ASCC2: variants seen among roughly 807,000 people sequenced by gnomAD.
The protein encoded by ASCC2 is activating signal cointegrator 1 complex subunit 2.
Under a neutral mutation model 93.5 loss-of-function variants are expected in ASCC2, and 42 were observed. That is an observed-to-expected ratio of 0.45 (90% CI 0.35 to 0.58). The LOEUF (loss-of-function observed/expected upper bound fraction) is 0.58. ASCC2 is among the 20% of genes least tolerant of loss of function. ASCC2 has a pLI of 0.00. For synonymous variants in ASCC2, 364 were observed against 384.2 expected (o/e 0.95, Z 0.62); for missense variants, 859 against 977.6 (o/e 0.88, Z 1.62).
intron 12 of ASCC2, 86 bp from the exon 13 acceptor site, chr22:29,804,916 A>C: frequency 2.8e-6 from 4 of 1,425,912 alleles, no homozygotes; most frequent in Non-Finnish European, 3.9e-6. Context: ...ATCTGACCAC[A>C]TGGTTCCTGC....
In ASCC2 at chr22:29,825,551, AAAC is replaced by A. The variant is rs950806644; in HGVS notation, c.240+68_240+70del. ...AAAAAAGCACCTCCTAGGGGAAGAA[AAAC>A]AACAACAGCAACCAACCAATGGCAT... On this transcript the variant is annotated intron_variant, in intron 3 of 19. Transcript: ENST00000307790. The surrounding 1 kb of genome is among the most constrained non-coding windows in gnomAD (Gnocchi z 4.9). The A allele has an allele frequency of 1.2e-5, 19 of 1,606,816 alleles. No individual in the cohort carries two copies. Among genetic ancestry groups the A allele is most frequent in the African/African-American group, 8.0e-5 (6 of 74,776 alleles).
Position 29,816,013 on chromosome 22 carries a change from A to T in ASCC2, c.602T>A (p.Ile201Asn). 6.3e-7 allele frequency: 1 copy of T among 1,592,818 alleles called. No individual in the cohort carries two copies. The highest frequency in any genetic ancestry group is 8.6e-7 in the Non-Finnish European group (1 of 1,168,644). ...AGGGCCAAGAGCTGGTACCTGAAGG[A>T]TGGTAGGCAGGGTTTCATCCAGGTC... ...YSDLDETLPTILQVFSNILQH... is the reference protein window; with the variant it reads ...YSDLDETLPTNLQVFSNILQH... The change falls in exon 6 of 20, where the codon ATC becomes AAC. Residue 201 changes from isoleucine (I) to asparagine (N), a missense_variant. By Grantham distance (149) the Ile-to-Asn change is moderately radical. Coordinates refer to ENST00000307790, the MANE Select transcript of ASCC2 (RefSeq NM_032204.5).
Position 29,825,192 on chromosome 22 carries a change from G to A in ASCC2, c.306C>T (p.Phe102=), listed in dbSNP as rs200517344. ...CAGGGGCTGAGGCCACCCCCTCGTCGAATTTGCGGGGGACATAGCGCAGGT... is the reference window on the plus strand; with the variant it reads ...CAGGGGCTGAGGCCACCCCCTCGTCAAATTTGCGGGGGACATAGCGCAGGT... ...DSYLRYVPRK[F]DEGVASAPEV... Residue 102 remains phenylalanine (F), a synonymous_variant, in exon 4 of 20, where the codon TTC becomes TTT. Transcript: ENST00000307790. The surrounding 1 kb of genome is among the most constrained non-coding windows in gnomAD (Gnocchi z 4.9). 4.6e-5 allele frequency: 72 copies of A among 1,562,532 alleles called. No individual in the cohort carries two copies. The South Asian group carries it at 5.7e-4, about 12-fold the overall frequency.
chr22:29,804,252 T>A (rs1377544469), intron 13 of ASCC2, among the ~76,000 whole-genome samples: 2 of 152,184 alleles, frequency 1.3e-5, no homozygotes, highest in Non-Finnish European at 2.9e-5. Context: ...ACGGAGGGGC[T>A]TCCAAGAAGG....
intron 2 of ASCC2, among the ~76,000 whole-genome samples, chr22:29,827,169 G>A (rs1282865465): frequency 7.2e-6 from 1 of 139,428 alleles, no homozygotes; most frequent in East Asian, 2.1e-4. Context: ...CTTTTTTTTT[G>A]TTTTTTATTT....
Position 29,822,358 on chromosome 22 carries a change from G to A in ASCC2, c.518C>T (p.Ser173Leu). The change falls in exon 5 of 20, where the codon TCA becomes TTA. Residue 173 changes from serine to leucine, a missense_variant. Physicochemically the swap from Ser to Leu is moderately radical, Grantham distance 145 (BLOSUM62 -2). Coordinates refer to ENST00000307790, the MANE Select transcript of ASCC2 (RefSeq NM_032204.5). ...ACCTATCATCTTCTGGAGCAGTGGT[G>A]AGTTGCCTTTTCCAAAGAGCACGCA... ...DLCVLFGKGN[S>L]PLLQKMIGNI... 6.2e-7 allele frequency: 1 copy of A among 1,614,104 alleles called. No homozygotes were observed. The highest frequency in any genetic ancestry group is 8.5e-7 in the Non-Finnish European group (1 of 1,179,988).
rs182647472 is a variant in ASCC2, at chr22:29,825,940, T to C, written c.82-160A>G. 1.8e-3 allele frequency: 1,324 copies of C among 751,064 alleles called. 8 individuals are homozygous for C. Among genetic ancestry groups the C allele is most frequent in the South Asian group, 6.7e-3 (348 of 52,306 alleles). The allele number at this position is 751,064 out of a possible 1,614,324, so 46.5% of individuals were successfully genotyped here. A position where few individuals can be genotyped will look rare whatever the true frequency, so the allele number is the denominator to read the frequency against. Reference sequence around the variant, plus strand: ...AGTGTATCTAACAAAGAGGGCATGGTTGCATTCAGCGAACACTAGGCGGTA... The same window carrying C: ...AGTGTATCTAACAAAGAGGGCATGGCTGCATTCAGCGAACACTAGGCGGTA... On this transcript the variant is annotated intron_variant, in intron 2 of 19. Coordinates refer to ENST00000307790, the MANE Select transcript of ASCC2 (RefSeq NM_032204.5). This position sits in a 1 kb window ranked among gnomAD's most constrained non-coding sequence, Gnocchi z 4.9.
In ASCC2 at chr22:29,838,226, C is replaced by CCGCCGT. The variant is rs764876330; in HGVS notation, c.-67_-66insACGGCG. On this transcript the variant is annotated 5_prime_UTR_variant, in exon 1 of 20. Transcript: ENST00000307790. ...TGTGCCGCCGCCGCCGCCGCCGCCG[C>CCGCCGT]CGACCACGGTGACAGCTCCCTGAGC... 8.6e-6 allele frequency: 4 copies of CCGCCGT among 465,682 alleles called. No individual in the cohort carries two copies. Among genetic ancestry groups the CCGCCGT allele is most frequent in the African/African-American group, 8.1e-5 (4 of 49,400 alleles). 28.8% of individuals were successfully genotyped at this position (465,682 alleles called of 1,614,324 possible).
chr22:29,833,772 C>A (rs919159978), intron 1 of ASCC2, among the ~76,000 whole-genome samples: 2 of 151,922 alleles, frequency 1.3e-5, no homozygotes, highest in Non-Finnish European at 2.9e-5. Flanking sequence ...TGAGCCTTCA[C>A]AGACAAGCAG....
At position 29,804,805 on chromosome 22, in the gene ASCC2, G is replaced by A; in HGVS notation, c.1186C>T (p.Leu396Phe). Residue 396 changes from leucine to phenylalanine, a missense_variant, in exon 13 of 20, where the codon CTC (leucine) becomes TTC (phenylalanine). Leu to Phe is a conservative substitution (Grantham distance 22, BLOSUM62 0). Transcript: ENST00000307790. ...TCCCATGCACTCTCGACTGCCTGGA[G>A]GATGTAGGCAGTCCGCGTCTCGTCC... ...VLDETRTAYI[L>F]QAVESAWEGV... 6.2e-7 allele frequency: 1 copy of A among 1,614,126 alleles called. No homozygotes were observed. The highest frequency in any genetic ancestry group is 1.1e-5 in the South Asian group (1 of 91,084).
At chr22:29,834,169 C>T in intron 1 of ASCC2, 1 of 171,576 alleles carries the variant, frequency 5.8e-6, no homozygotes, top group Non-Finnish European at 1.2e-5. Flanking sequence ...CAAGGTCTCA[C>T]AGTTAGTGGG....
chr22:29,825,400 G>A lies in ASCC2; in HGVS notation c.241-143C>T. The A allele has an allele frequency of 8.3e-7, 1 of 1,204,836 alleles. No individual in the cohort carries two copies. Among genetic ancestry groups the A allele is most frequent in the South Asian group, 1.5e-5 (1 of 65,358 alleles). The allele number at this position is 1,204,836 out of a possible 1,614,324, so 74.6% of individuals were successfully genotyped here. On this transcript the variant is annotated intron_variant, in intron 3 of 19. Coordinates refer to ENST00000307790, the MANE Select transcript of ASCC2 (RefSeq NM_032204.5). The surrounding 1 kb of genome is among the most constrained non-coding windows in gnomAD (Gnocchi z 4.9). ...CAAGGGACCAAGGAGGTATGAATGA[G>A]CCAAGGGCTAAACACAAGATTCTAA...
intron 4 of ASCC2, among the ~76,000 whole-genome samples, chr22:29,823,029 A>C (rs2148182578): frequency 7.1e-6 from 1 of 141,046 alleles, no homozygotes; most frequent in South Asian, 2.3e-4. Context: ...CTCCCCTTTA[A>C]AAAAAATTTT....
chr22:29,819,695 A>G (rs2061328124), intron 5 of ASCC2, among the ~76,000 whole-genome samples: 1 of 151,978 alleles, frequency 6.6e-6, no homozygotes, highest in Non-Finnish European at 1.5e-5. Context: ...AGCCCTTCCC[A>G]ATCTGGCTCC....
At chr22:29,800,899 C>A in intron 15 of ASCC2, 92 bp downstream of exon 15, 1 of 1,463,336 alleles carries the variant, frequency 6.8e-7, no homozygotes, top group South Asian at 1.4e-5. Context: ...ACTCCATGGC[C>A]AATTCTGCGA....
At chr22:29,810,400 G>C (rs1360503541) in intron 8 of ASCC2, 1 of 152,216 alleles carries the variant, frequency 6.6e-6, no homozygotes, top group East Asian at 1.9e-4. Context: ...ACACATGCCT[G>C]TCAGTTGGCT....
Position 29,806,823 on chromosome 22 carries a change from G to T in ASCC2, c.990C>A (p.Ile330=). The change falls in exon 10 of 20, where the codon ATC becomes ATA. Residue 330 remains isoleucine, a synonymous_variant. Coordinates refer to ENST00000307790, the MANE Select transcript of ASCC2 (RefSeq NM_032204.5). ...TGCTTTCTAGGATGGGAAGGAGGCA[G>T]ATCTGGTTCAGGATGATGTGGAAAA... ...MEIFHIILNQ[I]CLLPILESSC... 1 of 1,613,674 alleles carries T rather than the reference G, an allele frequency of 6.2e-7. No individual in the cohort carries two copies.
chr22:29,838,092 G>A (rs2064100781), intron 1 of ASCC2, 86 bp downstream of exon 1: 1 of 449,862 alleles, frequency 2.2e-6, no homozygotes, highest in African/African-American at 2.0e-5. Context: ...GCCAGAGGAT[G>A]GGAGAGCCAA....
At chr22:29,816,585 C>A (rs549816827) in intron 5 of ASCC2, 1 of 152,852 alleles carries the variant, frequency 6.5e-6, no homozygotes, top group Admixed American at 6.5e-5. Flanking sequence ...GATATGCTAA[C>A]CATACTAATC....
Sources: gnomAD v4.1 joint callset for allele counts (sites outside exome capture counted in the v4.1 genomes callset) on GRCh38, gnomAD v4.1.1 for gene constraint, Gnocchi (gnomAD v3.1) non-coding constraint, MANE v1.5 for transcripts, NCBI Gene and HGNC (gene_info 2026-07-23, HGNC 2026-07-21) for gene names.